The following CA14 variants were observed in gnomAD, a reference collection of about 807,000 sequenced individuals.
CA14 encodes the protein carbonic anhydrase 14, also known as CA-XIV.
Under a neutral mutation model 48.8 loss-of-function variants are expected in CA14, and 44 were observed. The observed-to-expected ratio is 0.90, with a 90% CI of 0.71 to 1.16. The LOEUF (loss-of-function observed/expected upper bound fraction) is 1.16, where lower values mean the gene tolerates loss of function less well. Ranked by LOEUF, CA14 falls within the 50% of genes most tolerant of loss-of-function variation. The pLI is 0.00. For missense variants in CA14, 386 were observed against 401.0 expected, an observed-to-expected ratio of 0.96 and a Z score of 0.32; for synonymous variants, 154 against 155.0, an observed-to-expected ratio of 0.99 and a Z score of 0.05.
chr1:150,263,558 G>A (rs1181054378), intron 8 of CA14, 101 bp from the exon 9 acceptor site: 44 of 1,610,862 alleles, frequency 2.7e-5, no homozygotes, highest in Non-Finnish European at 3.6e-5. Context: ...CCCCACCCCA[G>A]GGTGCCCCCG....
rs587728159 is a variant in CA14, at chr1:150,264,250, C to T, written c.948-343C>T. ...AGACAGGTTCTCACTGTTGTCGAGGCTGGAGTGCATGGCTTTATCACAGCT... is the reference window on the plus strand; with the variant it reads ...AGACAGGTTCTCACTGTTGTCGAGGTTGGAGTGCATGGCTTTATCACAGCT... On this transcript the variant is annotated intron_variant, in intron 10 of 10. Transcript: ENST00000369111. 2.9e-4 allele frequency among the ~76,000 whole-genome samples: 44 copies of T among 151,602 alleles called. 1 individual carries two copies. The South Asian group carries it at 8.8e-3, about 30-fold the overall frequency.
Position 150,261,668 on chromosome 1 carries a change from G to T in CA14, c.256+30G>T, listed in dbSNP as rs782546706. 4.4e-6 allele frequency: 7 copies of T among 1,601,862 alleles called. No homozygotes were observed. The Admixed American group carries it at 1.2e-4, about 27-fold the overall frequency. ...AAGCACAGGCTCCAAGGAGTTGTAG[G>T]CTCCAGCTCAGATCTTAGGAGTCAG... On this transcript the variant is annotated intron_variant, in intron 3 of 10. Coordinates refer to ENST00000369111, the MANE Select transcript of CA14 (RefSeq NM_012113.3).
rs1553848667 is a variant in CA14 at position 150,263,847 on chromosome 1, CT to C, written c.917del (p.Leu306ArgfsTer43). 9 of 1,613,590 alleles carry C rather than the reference CT, an allele frequency of 5.6e-6. No individual in the cohort carries two copies. The highest frequency in any genetic ancestry group is 6.8e-6 in the Non-Finnish European group (8 of 1,179,886). ...GILVGCLCLL[L>X]AVYFIARKIR... ...CTTGGTTGGCTGTCTCTGCCTTCTC[CT>C]GGCTGTTTATTTCATTGCTAGAAAG... On this transcript the variant is annotated frameshift_variant, in exon 10 of 11. Transcript: ENST00000369111. LOFTEE classifies it high-confidence loss of function.
intron 4 of CA14, 111 bp from the exon 5 acceptor site, chr1:150,262,414 G>C (rs1442665798): frequency 1.3e-6 from 2 of 1,497,128 alleles, no homozygotes; most frequent in Admixed American, 1.7e-5. Context: ...CAATCTCTGA[G>C]GGACAGACTT....
At position 150,263,906 on chromosome 1, in the gene CA14, TC is replaced by T. The variant is rs1233570110; in HGVS notation, c.947+31del. 3.6e-5 allele frequency: 43 copies of T among 1,186,524 alleles called. No homozygotes were observed. The African/African-American group carries it at 6.5e-4, about 18-fold the overall frequency. The allele number at this position is 1,186,524 out of a possible 1,614,324, so 73.5% of individuals were successfully genotyped here. On this transcript the variant is annotated intron_variant, in intron 10 of 10. Coordinates refer to ENST00000369111, the MANE Select transcript of CA14 (RefSeq NM_012113.3). ...GAGGCCCTACTTTCCATTCCTCCAGTCCCTTCTTCTTTTTTTTTTTTTTTTT... is the reference window on the plus strand; with the variant it reads ...GAGGCCCTACTTTCCATTCCTCCAGTCCTTCTTCTTTTTTTTTTTTTTTTT...
intron 10 of CA14, among the ~76,000 whole-genome samples, chr1:150,264,305 T>G (rs1651448101): frequency 6.6e-6 from 1 of 152,070 alleles, no homozygotes; most frequent in African/African-American, 2.4e-5. Context: ...CGGGCTCAAG[T>G]GGTCCTCCCA....
Position 150,258,114 on chromosome 1 carries a change from C to T in CA14, c.-15C>T. 5 of 1,605,438 alleles carry T rather than the reference C, an allele frequency of 3.1e-6. No individual in the cohort carries two copies. Among genetic ancestry groups the T allele is most frequent in the Non-Finnish European group, 4.3e-6 (5 of 1,174,550 alleles). On this transcript the variant is annotated 5_prime_UTR_variant, in exon 1 of 11. Coordinates refer to ENST00000369111, the MANE Select transcript of CA14 (RefSeq NM_012113.3). ...CCTCAAATTCCCAGTCCCCTGCACC[C>T]CTTCCTGGGACACTATGTTGTTCTC...
intron 1 of CA14, among the ~76,000 whole-genome samples, chr1:150,259,555 C>G: frequency 6.6e-6 from 1 of 152,098 alleles, no homozygotes; most frequent in East Asian, 1.9e-4. Flanking sequence ...ATGTAGGGAG[C>G]AGAGCCTCCT....
Position 150,262,522 on chromosome 1 carries a change from T to C in CA14, c.400-3T>C, listed in dbSNP as rs1348201767. 6.2e-7 allele frequency: 1 copy of C among 1,611,738 alleles called. No individual in the cohort carries two copies. The highest frequency in any genetic ancestry group is 1.3e-5 in the African/African-American group (1 of 74,950). ...TGATTCAATTCCCTCTTCCTTCCTT[T>C]AGCTCCACATTGTACATTATGACTC... On this transcript the variant is annotated splice_polypyrimidine_tract_variant and splice_region_variant and intron_variant, in intron 4 of 10. Coordinates refer to ENST00000369111, the MANE Select transcript of CA14 (RefSeq NM_012113.3).
At chr1:150,261,278 A>G in intron 2 of CA14, 181 bp from the exon 3 acceptor site, 1 of 597,852 alleles carries the variant, frequency 1.7e-6, no homozygotes, top group Non-Finnish European at 3.0e-6. Context: ...ATGAGACTCA[A>G]CAGGACTCCT....
chr1:150,263,464 C>T, intron 8 of CA14, 45 bp downstream of exon 8: 1 of 1,610,916 alleles, frequency 6.2e-7, no homozygotes, highest in Non-Finnish European at 8.5e-7. Flanking sequence ...GAGGGGGACA[C>T]AATGGCAGGA....
At chr1:150,264,528 C>A in intron 10 of CA14, 65 bp from the exon 11 acceptor site, 1 of 923,020 alleles carries the variant, frequency 1.1e-6, no homozygotes, top group Non-Finnish European at 1.8e-6. Context: ...AAGCATTCTC[C>A]TATTTCACCT....
In CA14 at chr1:150,264,501, CCCT is replaced by C. The variant is rs1651481832; in HGVS notation, c.948-90_948-88del. ...TATAGGTGTGAAACACCTTGCCCAG[CCCT>C]CTTTTCTGTTAAAAAGCATTCTCCT... On this transcript the variant is annotated intron_variant, in intron 10 of 10. Coordinates refer to ENST00000369111, the MANE Select transcript of CA14 (RefSeq NM_012113.3). 11 of 767,970 alleles carry C rather than the reference CCCT, an allele frequency of 1.4e-5. No individual in the cohort carries two copies. The South Asian group carries it at 1.6e-4, about 11-fold the overall frequency. The allele number at this position is 767,970 out of a possible 1,614,324, so 47.6% of individuals were successfully genotyped here.
chr1:150,261,348 C>T (rs1651012039), intron 2 of CA14, 111 bp from the exon 3 acceptor site: 10 of 937,202 alleles, frequency 1.1e-5, no homozygotes, highest in Non-Finnish European at 1.6e-5. Context: ...TCCATTTCTA[C>T]CTCCACACAG....
Position 150,263,397 on chromosome 1 carries a change from G to A in CA14, c.819G>A (p.Met273Ile), listed in dbSNP as rs1651265383. The stretch of plus-strand genomic sequence containing the variant: ...CCCTTCAGCCTCTCAATCAGCGCAT[G>A]GTCTTTGCTTCTTTCATCCAAGGTG... ...YRALQPLNQR[M>I]VFASFIQAGS... is the part of the protein sequence containing the mutation. Residue 273 changes from methionine (M) to isoleucine (I), a missense_variant, in exon 8 of 11, where the codon ATG (methionine) becomes ATA (isoleucine). Transcript: ENST00000369111. 6.2e-7 allele frequency: 1 copy of A among 1,614,048 alleles called. No homozygotes were observed. The highest frequency in any genetic ancestry group is 1.3e-5 in the African/African-American group (1 of 74,920).
chr1:150,263,986 T>C (rs1329662544), intron 10 of CA14, 108 bp downstream of exon 10: 1 of 807,050 alleles, frequency 1.2e-6, no homozygotes, highest in Non-Finnish European at 2.0e-6. Context: ...TGCAGTGGTG[T>C]GCAATCTCAG....
rs781873803 is a variant in CA14, at chr1:150,263,461, A to G, written c.841+42A>G. The G allele has an allele frequency of 1.9e-6, 3 of 1,611,338 alleles. No homozygotes were observed. In the South Asian group the frequency reaches 3.3e-5, roughly 18 times the overall value. Reference sequence around the variant, plus strand: ...CAGAAGAGATGGGAAACTGAGGGGGACACAATGGCAGGAACTAGGGAGCCA... The same window carrying G: ...CAGAAGAGATGGGAAACTGAGGGGGGCACAATGGCAGGAACTAGGGAGCCA... On this transcript the variant is annotated intron_variant, in intron 8 of 10. Transcript: ENST00000369111.
Position 150,263,034 on chromosome 1 carries a change from C to G in CA14, c.563-8C>G, listed in dbSNP as rs1172683651. 8.1e-6 allele frequency: 13 copies of G among 1,613,648 alleles called. No individual in the cohort carries two copies. Among genetic ancestry groups the G allele is most frequent in the African/African-American group, 1.3e-5 (1 of 74,886 alleles). On this transcript the variant is annotated splice_polypyrimidine_tract_variant and splice_region_variant and intron_variant, in intron 6 of 10. Transcript: ENST00000369111. ...AAAGGAAGATGAGTCCCAGTCTGTTCTCCCCAGATCAGAAGACCTCAGTGC... is the reference window on the plus strand; with the variant it reads ...AAAGGAAGATGAGTCCCAGTCTGTTGTCCCCAGATCAGAAGACCTCAGTGC...
At position 150,262,276 on chromosome 1, in the gene CA14, C is replaced by A; in HGVS notation, c.375C>A (p.Ile125=). 2 of 1,605,972 alleles carry A rather than the reference C, an allele frequency of 1.2e-6. No homozygotes were observed. Among genetic ancestry groups the A allele is most frequent in the Non-Finnish European group, 1.7e-6 (2 of 1,176,382 alleles). ...CCCCAGGGGGGTCAGAACACCAGAT[C>A]AACAGTGAAGCCACATTTGCAGAGG... ...KGSPGGSEHQ[I]NSEATFAELH... is the part of the protein sequence containing the mutation. The change falls in exon 4 of 11, where the codon ATC becomes ATA. Residue 125 remains isoleucine (I), a synonymous_variant. Transcript: ENST00000369111.
Sources: gnomAD v4.1 joint callset for allele counts (sites outside exome capture counted in the v4.1 genomes callset) on GRCh38, gnomAD v4.1.1 for gene constraint, MANE v1.5 for transcripts, NCBI Gene and HGNC (gene_info 2026-07-23, HGNC 2026-07-21) for gene names.